The following FGF10 variants were observed in gnomAD, a reference collection of about 807,000 sequenced individuals.
FGF10 encodes the protein FGF-10.
In FGF10, 2 loss-of-function variants were observed where a neutral mutation model predicts 19.8. The observed-to-expected ratio is 0.10, with a 90% CI of 0.04 to 0.32. FGF10 has a LOEUF of 0.32. Among genes scored for constraint, FGF10 ranks in the 10% least tolerant of loss-of-function variants. The pLI, the probability that FGF10 is intolerant of heterozygous loss-of-function variation, is 1.00. For missense variants in FGF10, 191 were observed against 246.3 expected (o/e 0.78, Z 1.50); for synonymous variants, 112 against 94.0 (o/e 1.19, Z -1.10).
At chr5:44,324,478 A>G (rs1269353757) in intron 1 of FGF10, among the ~76,000 whole-genome samples, 1 of 152,134 alleles carries the variant, frequency 6.6e-6, no homozygotes, top group South Asian at 2.1e-4. Context: ...CATATCTTGA[A>G]GAAATGTTTT....
At chr5:44,358,146 T>G (rs2111844762) in intron 1 of FGF10, among the ~76,000 whole-genome samples, 1 of 151,636 alleles carries the variant, frequency 6.6e-6, no homozygotes, top group East Asian at 2.0e-4. Flanking sequence ...ATTAGGAAGA[T>G]TCTACATGGC....
chr5:44,380,294 C>T (rs1741956294), intron 1 of FGF10, among the ~76,000 whole-genome samples: 1 of 152,084 alleles, frequency 6.6e-6, no homozygotes, highest in African/African-American at 2.4e-5. Flanking sequence ...ATTATTAAAA[C>T]ATAAATTTAA....
At chr5:44,368,661 GT>G (rs550752367) in intron 1 of FGF10, among the ~76,000 whole-genome samples, 143 of 152,006 alleles carry the variant, frequency 9.4e-4, no homozygotes, top group South Asian at 3.3e-3. Flanking sequence ...GTATTGTGCT[GT>G]CAATTTTTTT....
Position 44,300,537 on chromosome 5 carries a change from A to G in FGF10, c.*4458T>C, listed in dbSNP as rs1356773139. On this transcript the variant is annotated 3_prime_UTR_variant, in exon 3 of 3. Coordinates refer to ENST00000264664, the MANE Select transcript of FGF10 (RefSeq NM_004465.2). ...CAAAACAATGCAAATGTAATCTTTC[A>G]ATGGTAAAGAACATATGAAAGAGAA... Among the ~76,000 whole-genome samples, 1 of 152,200 alleles carries G rather than the reference A, an allele frequency of 6.6e-6. No individual in the cohort carries two copies. The highest frequency in any genetic ancestry group is 1.5e-5 in the Non-Finnish European group (1 of 68,032).
chr5:44,366,127 C>CTTTTTTTTTTTT (rs35522683), intron 1 of FGF10, among the ~76,000 whole-genome samples: 3 of 74,810 alleles, frequency 4.0e-5, no homozygotes, highest in African/African-American at 1.0e-4. Flanking sequence ...CAATTATTTC[C>CTTTTTTTTTTTT]TTTTTTTTTT....
At chr5:44,315,718 A>G (rs904979422) in intron 1 of FGF10, among the ~76,000 whole-genome samples, 1 of 152,002 alleles carries the variant, frequency 6.6e-6, no homozygotes, top group Admixed American at 6.6e-5. Flanking sequence ...TCTAAATGAA[A>G]CCTCTCTCTC....
rs536581009 is a variant in FGF10, at chr5:44,342,040, A to G, written c.326-31510T>C. Among the ~76,000 whole-genome samples, 5 of 152,144 alleles carry G rather than the reference A, an allele frequency of 3.3e-5. No individual in the cohort carries two copies. The South Asian group carries it at 1.0e-3, about 32-fold the overall frequency. ...AATATTCTTTAAAAAGAGTGTATGCATATCTTGATAACCTCACTCTAGCAA... is the reference window on the plus strand; with the variant it reads ...AATATTCTTTAAAAAGAGTGTATGCGTATCTTGATAACCTCACTCTAGCAA... On this transcript the variant is annotated intron_variant, in intron 1 of 2. Coordinates refer to ENST00000264664, the MANE Select transcript of FGF10 (RefSeq NM_004465.2).
At chr5:44,330,069 G>A (rs1579909737) in intron 1 of FGF10, among the ~76,000 whole-genome samples, 1 of 152,146 alleles carries the variant, frequency 6.6e-6, no homozygotes, top group South Asian at 2.1e-4. Context: ...ATGTATTTCT[G>A]CAACTTTAGT....
chr5:44,328,594 C>T (rs1424559507), intron 1 of FGF10, among the ~76,000 whole-genome samples: 1 of 152,046 alleles, frequency 6.6e-6, no homozygotes, highest in African/African-American at 2.4e-5. Context: ...CGCGTCACTA[C>T]AAAACACACA....
intron 1 of FGF10, among the ~76,000 whole-genome samples, chr5:44,335,001 A>G (rs1740815546): frequency 6.6e-6 from 1 of 152,148 alleles, no homozygotes; most frequent in Non-Finnish European, 1.5e-5. Context: ...TTTTAAAAAG[A>G]TATAATATTG....
rs539597119 is a variant in FGF10 at position 44,388,967 on chromosome 5, G to A, written c.-285C>T. ...AGCAGGAGCTGGTGGTGGCGTTGGT[G>A]GTGTTGGTCACCAGCGCTCTTCGCT... On this transcript the variant is annotated 5_prime_UTR_variant, in exon 1 of 3. Transcript: ENST00000264664. The A allele has an allele frequency of 2.0e-4, 110 of 547,810 alleles. No individual in the cohort carries two copies. Among genetic ancestry groups the A allele is most frequent in the African/African-American group, 1.9e-3 (98 of 52,466 alleles). 33.9% of individuals were successfully genotyped at this position (547,810 alleles called of 1,614,324 possible). A position where few individuals can be genotyped will look rare whatever the true frequency, so the allele number is the denominator to read the frequency against.
At chr5:44,324,717 A>T (rs1740572283) in intron 1 of FGF10, among the ~76,000 whole-genome samples, 1 of 152,182 alleles carries the variant, frequency 6.6e-6, no homozygotes, top group Non-Finnish European at 1.5e-5. Flanking sequence ...GACAGGGAAA[A>T]ACAAAGGCTG....
rs528715727 is a variant in FGF10 at position 44,369,020 on chromosome 5, A to G, written c.325+19338T>C. 2.0e-5 allele frequency among the ~76,000 whole-genome samples: 3 copies of G among 152,202 alleles called. No homozygotes were observed. The South Asian group carries it at 6.2e-4, about 32-fold the overall frequency. ...TCATATTCATGTTTCCTATGACTTTACAGGAGATATTCCATGAATTATATG... is the reference window on the plus strand; with the variant it reads ...TCATATTCATGTTTCCTATGACTTTGCAGGAGATATTCCATGAATTATATG... On this transcript the variant is annotated intron_variant, in intron 1 of 2. Transcript: ENST00000264664.
intron 1 of FGF10, among the ~76,000 whole-genome samples, chr5:44,348,223 G>A (rs1161509993): frequency 6.6e-6 from 1 of 151,582 alleles, no homozygotes. Context: ...ATAAAGGTGG[G>A]TTAACAGTGA....
At chr5:44,305,298 C>T (rs1423510563) in intron 2 of FGF10, 106 bp from the exon 3 acceptor site, 9 of 959,578 alleles carry the variant, frequency 9.4e-6, no homozygotes, top group Non-Finnish European at 3.3e-6. Flanking sequence ...TTTGTAGTTG[C>T]CATTTGTACC....
chr5:44,300,452 T>G lies in FGF10; in HGVS notation c.*4543A>C, dbSNP rs1739946181. 6.6e-6 allele frequency among the ~76,000 whole-genome samples: 1 copy of G among 152,136 alleles called. No individual in the cohort carries two copies. Among genetic ancestry groups the G allele is most frequent in the South Asian group, 2.1e-4 (1 of 4,832 alleles). On this transcript the variant is annotated 3_prime_UTR_variant, in exon 3 of 3. Coordinates refer to ENST00000264664, the MANE Select transcript of FGF10 (RefSeq NM_004465.2). ...GTGAAAACTTGCATTCATCCCAATATAAAGTTTGCAAAACCACAGTGAGCC... is the reference window on the plus strand; with the variant it reads ...GTGAAAACTTGCATTCATCCCAATAGAAAGTTTGCAAAACCACAGTGAGCC...
intron 1 of FGF10, among the ~76,000 whole-genome samples, chr5:44,320,753 T>C (rs1265168997): frequency 1.3e-5 from 2 of 151,904 alleles, no homozygotes; most frequent in Non-Finnish European, 2.9e-5. Context: ...CTTTTTGAGG[T>C]AGGGTCTCAC....
intron 1 of FGF10, among the ~76,000 whole-genome samples, chr5:44,352,543 T>C (rs769935679): frequency 2.6e-5 from 4 of 151,606 alleles, no homozygotes; most frequent in Non-Finnish European, 5.9e-5. Context: ...CAAAAACATC[T>C]ATGAAAGTAT....
chr5:44,354,641 A>C lies in FGF10; in HGVS notation c.325+33717T>G, dbSNP rs541297461. ...AGAACCTGTCCTCATACCAGGGTTA[A>C]AATCTCTAAAAGCAGTGGTAGGTGT... On this transcript the variant is annotated intron_variant, in intron 1 of 2. Coordinates refer to ENST00000264664, the MANE Select transcript of FGF10 (RefSeq NM_004465.2). Among the ~76,000 whole-genome samples the C allele has an allele frequency of 5.9e-5, 9 of 151,616 alleles. No homozygotes were observed. The East Asian group carries it at 1.8e-3, about 30-fold the overall frequency.
Sources: allele counts gnomAD v4.1 joint callset (sites outside exome capture counted in the v4.1 genomes callset), GRCh38; gene constraint gnomAD v4.1.1; transcripts MANE v1.5; gene names NCBI Gene and HGNC (gene_info 2026-07-23, HGNC 2026-07-21).